The following N4BP2 variants were observed in gnomAD, a reference collection of about 807,000 sequenced individuals.
N4BP2 encodes NEDD4 binding protein 2.
A neutral mutation model predicts 152.8 loss-of-function variants in N4BP2; 91 were observed. The ratio of observed to expected loss-of-function variants is 0.60; its 90% CI spans 0.50 to 0.71. N4BP2 has a LOEUF of 0.71. Among genes scored for constraint, N4BP2 ranks in the 30% least tolerant of loss-of-function variants. N4BP2 has a pLI of 0.00. For synonymous variants in N4BP2, 646 were observed against 705.3 expected, an observed-to-expected ratio of 0.92 and a Z score of 1.33; for missense variants, 1,923 against 2,059.1, an observed-to-expected ratio of 0.93 and a Z score of 1.28.
chr4:40,186,200 C>T, the N4BP2 span, among the ~76,000 whole-genome samples: 2 of 151,972 alleles, frequency 1.3e-5, no homozygotes, highest in African/African-American at 2.4e-5. Context: ...AAATATGATC[C>T]TATGTAAGCT....
Position 40,122,158 on chromosome 4 carries a change from A to T in N4BP2, c.4047A>T (p.Ser1349=). The change falls in exon 9 of 18, where the codon TCA becomes TCT. Residue 1349 remains serine (S), a synonymous_variant. Transcript: ENST00000261435. Reference sequence around the variant, plus strand: ...TTCTAATGGCAGGAAGTAGTTTATCAGCTGGAGTTAGTGGGGAAGATAAAA... The same window carrying T: ...TTCTAATGGCAGGAAGTAGTTTATCTGCTGGAGTTAGTGGGGAAGATAAAA... ...KEILMAGSSL[S]AGVSGEDKTE... 6.2e-7 allele frequency: 1 copy of T among 1,613,062 alleles called. No individual in the cohort carries two copies. Among genetic ancestry groups the T allele is most frequent in the Non-Finnish European group, 8.5e-7 (1 of 1,179,276 alleles).
At chr4:40,132,156 A>G (rs569434880) in intron 13 of N4BP2, among the ~76,000 whole-genome samples, 1 of 152,256 alleles carries the variant, frequency 6.6e-6, no homozygotes, top group African/African-American at 2.4e-5. Context: ...CAAATTAGGC[A>G]CAGTAAAAAA....
chr4:40,113,360 A>AT lies in N4BP2; in HGVS notation c.1588-71dup, dbSNP rs1321049566. ...ATAATCTTTACGTTTTACATGCTAT[A>AT]TATTTGGAAACAATAATTTTAATTT... On this transcript the variant is annotated intron_variant, in intron 6 of 17. Transcript: ENST00000261435. The AT allele has an allele frequency of 4.3e-5, 49 of 1,137,276 alleles. No homozygotes were observed. In the African/African-American group the frequency reaches 5.6e-4, roughly 13 times the overall value. 70.4% of individuals were successfully genotyped at this position (1,137,276 alleles called of 1,614,324 possible).
intron 4 of N4BP2, among the ~76,000 whole-genome samples, chr4:40,103,517 T>C (rs1013209940): frequency 1.3e-5 from 2 of 152,192 alleles, no homozygotes; most frequent in Non-Finnish European, 2.9e-5. Flanking sequence ...GGGAGAAAGA[T>C]GAGTTCAGCT....
chr4:40,117,560 C>T (rs1469177705), intron 7 of N4BP2, among the ~76,000 whole-genome samples: 1 of 152,158 alleles, frequency 6.6e-6, no homozygotes, highest in Admixed American at 6.5e-5. Flanking sequence ...CAAATATGAG[C>T]TTATAATAAA....
At chr4:40,149,547 A>AT (rs567651282) in intron 16 of N4BP2, among the ~76,000 whole-genome samples, 1 of 152,192 alleles carries the variant, frequency 6.6e-6, no homozygotes, top group South Asian at 2.1e-4. Context: ...TTAATTGCAT[A>AT]TTTTAAAATG....
At chr4:40,119,580 G>A (rs904100646) in intron 8 of N4BP2, among the ~76,000 whole-genome samples, 1 of 152,132 alleles carries the variant, frequency 6.6e-6, no homozygotes, top group Non-Finnish European at 1.5e-5. Flanking sequence ...ACTAAGGTCA[G>A]AAAGAAGCTA....
chr4:40,173,587 G>T, the N4BP2 span, among the ~76,000 whole-genome samples: 1 of 152,146 alleles, frequency 6.6e-6, no homozygotes, highest in African/African-American at 2.4e-5. Context: ...AGGGAAATAC[G>T]CTCTGTGCAA....
At chr4:40,165,386 C>G in the N4BP2 span, among the ~76,000 whole-genome samples, 1 of 152,120 alleles carries the variant, frequency 6.6e-6, no homozygotes, top group Non-Finnish European at 1.5e-5. Flanking sequence ...GTAGCTAGAA[C>G]TACAGGTGTG....
chr4:40,142,588 T>G, intron 14 of N4BP2, 85 bp from the exon 15 acceptor site: 1 of 885,922 alleles, frequency 1.1e-6, no homozygotes, highest in Non-Finnish European at 1.7e-6. Flanking sequence ...ACAGCCCAGT[T>G]TTCATGTGCG....
chr4:40,164,777 T>C, the N4BP2 span, among the ~76,000 whole-genome samples: 3 of 152,230 alleles, frequency 2.0e-5, no homozygotes, highest in Non-Finnish European at 4.4e-5. Flanking sequence ...GCTTCTTGCC[T>C]ATTTATTTAA....
In N4BP2 at chr4:40,092,029, TATATATATATATATATAG is replaced by T. The variant is rs1404228339; in HGVS notation, c.-114-5197_-114-5180del. ...AAAATTATATATATATATATATATA[TATATATATATATATATAG>T]CTGAATTTTATTTGCTAGTATTTTG... On this transcript the variant is annotated intron_variant, in intron 2 of 17. Transcript: ENST00000261435. Among the ~76,000 whole-genome samples the T allele has an allele frequency of 3.1e-4, 36 of 116,918 alleles. 1 individual carries two copies. The highest frequency in any genetic ancestry group is 1.1e-3 in the African/African-American group (36 of 31,598). The allele number at this position is 116,918 out of a possible 152,430, so 76.7% of individuals were successfully genotyped here. A position where few individuals can be genotyped will look rare whatever the true frequency, so the allele number is the denominator to read the frequency against.
chr4:40,140,420 C>G (rs569333198), intron 14 of N4BP2, among the ~76,000 whole-genome samples: 26 of 152,102 alleles, frequency 1.7e-4, no homozygotes, highest in Admixed American at 7.9e-4. Context: ...ATGCAAGGCA[C>G]TGTGAGTCAT....
the N4BP2 span, among the ~76,000 whole-genome samples, chr4:40,187,713 C>T: frequency 6.6e-6 from 1 of 152,178 alleles, no homozygotes; most frequent in Non-Finnish European, 1.5e-5. Context: ...TTTCAGAAGA[C>T]AATCACACAC....
At position 40,144,774 on chromosome 4, in the gene N4BP2, TGA is replaced by T; in HGVS notation, c.5121_5122del (p.Arg1707SerfsTer7). The T allele has an allele frequency of 6.2e-7, 1 of 1,612,302 alleles. No individual in the cohort carries two copies. Among genetic ancestry groups the T allele is most frequent in the Non-Finnish European group, 8.5e-7 (1 of 1,179,228 alleles). On this transcript the variant is annotated frameshift_variant, in exon 16 of 18. Coordinates refer to ENST00000261435, the MANE Select transcript of N4BP2 (RefSeq NM_018177.6). LOFTEE classifies it high-confidence loss of function. ...GTGGATGAAGCTCTAGAACATTTGA[TGA>T]GAGTTTTAGAGAAGAAGACTGAAGG...
rs1191492709 is a variant in N4BP2 at position 40,141,380 on chromosome 4, G to A, written c.4786-1293G>A. Among the ~76,000 whole-genome samples the A allele has an allele frequency of 3.3e-5, 5 of 151,718 alleles. No homozygotes were observed. The East Asian group carries it at 5.9e-4, about 18-fold the overall frequency. On this transcript the variant is annotated intron_variant, in intron 14 of 17. Coordinates refer to ENST00000261435, the MANE Select transcript of N4BP2 (RefSeq NM_018177.6). Reference sequence around the variant, plus strand: ...TCCTCACTTCTCAGACGGGGCAGCCGGGCAGAGACGCTCCTCACCTCCCAG... The same window carrying A: ...TCCTCACTTCTCAGACGGGGCAGCCAGGCAGAGACGCTCCTCACCTCCCAG...
At chr4:40,148,591 C>T (rs34084471) in intron 16 of N4BP2, among the ~76,000 whole-genome samples, 27,262 of 152,130 alleles carry the variant, frequency 0.18, 3,078 homozygotes, top group Admixed American at 0.26. Context: ...TAATGCCCTC[C>T]AGCCACATCT....
chr4:40,106,919 C>G lies in N4BP2; in HGVS notation c.1393C>G (p.Pro465Ala). The change falls in exon 5 of 18, where the codon CCA becomes GCA. Residue 465 changes from proline (P) to alanine (A), a missense_variant. Transcript: ENST00000261435. Reference protein sequence around the residue: ...FLARTLQEDNPSGVILSTDDY... With the variant: ...FLARTLQEDNASGVILSTDDY... ...TCACAGGACTTTGCAAGAGGATAAT[C>G]CAAGTGGAGTCATTCTTAGTACTGA... The G allele has an allele frequency of 6.2e-7, 1 of 1,609,326 alleles. No individual in the cohort carries two copies. Among genetic ancestry groups the G allele is most frequent in the South Asian group, 1.1e-5 (1 of 90,306 alleles).
At chr4:40,057,577 C>T (rs1370729620) in intron 1 of N4BP2, among the ~76,000 whole-genome samples, 1 of 152,148 alleles carries the variant, frequency 6.6e-6, no homozygotes, top group Non-Finnish European at 1.5e-5. Flanking sequence ...TTTCCCCTCC[C>T]CGGCATTTGT....
Sources: allele counts gnomAD v4.1 joint callset (sites outside exome capture counted in the v4.1 genomes callset), GRCh38; gene constraint gnomAD v4.1.1; transcripts MANE v1.5; gene names NCBI Gene and HGNC (gene_info 2026-07-23, HGNC 2026-07-21).